The following PLPPR1 variants were observed in gnomAD, a reference collection of about 807,000 sequenced individuals.
The protein encoded by PLPPR1 is phospholipid phosphatase related 1.
PLPPR1 carries 10 observed loss-of-function variants against 33.1 expected under a neutral mutation model. The ratio of observed to expected loss-of-function variants is 0.30; its 90% CI spans 0.19 to 0.51. PLPPR1 has a LOEUF of 0.51. Among genes scored for constraint, PLPPR1 ranks in the 20% least tolerant of loss-of-function variants. The pLI is 0.97. For synonymous variants in PLPPR1, 151 were observed against 151.0 expected, an observed-to-expected ratio of 1.00 and a Z score of 0.00; for missense variants, 304 against 408.1, an observed-to-expected ratio of 0.74 and a Z score of 2.20.
At chr9:101,199,634 C>T (rs1826459186) in intron 2 of PLPPR1, among the ~76,000 whole-genome samples, 1 of 152,166 alleles carries the variant, frequency 6.6e-6, no homozygotes, top group African/African-American at 2.4e-5. Flanking sequence ...TCCATATACT[C>T]ATTATATTTT....
chr9:101,115,372 T>A (rs1173111200), intron 1 of PLPPR1, among the ~76,000 whole-genome samples: 1 of 152,204 alleles, frequency 6.6e-6, no homozygotes, highest in African/African-American at 2.4e-5. Flanking sequence ...TGATGACTGA[T>A]TTCAATATGC....
intron 1 of PLPPR1, among the ~76,000 whole-genome samples, chr9:101,148,304 C>A (rs184519267): frequency 6.6e-6 from 1 of 152,254 alleles, no homozygotes; most frequent in East Asian, 1.9e-4. Flanking sequence ...GACTTCAAAC[C>A]CTGCCCGGTC....
intron 1 of PLPPR1, among the ~76,000 whole-genome samples, chr9:101,042,054 T>A (rs1367646888): frequency 6.6e-6 from 1 of 152,088 alleles, no homozygotes; most frequent in Non-Finnish European, 1.5e-5. Context: ...GAAAATATAA[T>A]TTATAGAAGA....
chr9:101,177,607 A>C (rs1308179165), intron 1 of PLPPR1, among the ~76,000 whole-genome samples: 2 of 152,212 alleles, frequency 1.3e-5, no homozygotes, highest in Non-Finnish European at 2.9e-5. Flanking sequence ...TTGCTGCTCC[A>C]TATGGCCAAC....
In PLPPR1 at chr9:101,310,758, C is replaced by A. The variant is rs573060917; in HGVS notation, c.636+1297C>A. The stretch of plus-strand genomic sequence containing the variant: ...TTAAAACAACCAGGAGCAGATAGTG[C>A]CTTTGTGTCCCATTTACAGGATCAC... On this transcript the variant is annotated intron_variant, in intron 5 of 7. Coordinates refer to ENST00000374874, the MANE Select transcript of PLPPR1 (RefSeq NM_207299.2). 9.2e-5 allele frequency among the ~76,000 whole-genome samples: 14 copies of A among 152,260 alleles called. No individual in the cohort carries two copies. In the South Asian group the frequency reaches 2.5e-3, roughly 27 times the overall value.
intron 4 of PLPPR1, among the ~76,000 whole-genome samples, chr9:101,291,946 A>G (rs1253848103): frequency 3.9e-5 from 6 of 152,230 alleles, no homozygotes; most frequent in Non-Finnish European, 8.8e-5. Context: ...ATGGAGAATG[A>G]CTTTGACGAG....
At chr9:101,266,721 G>A (rs189888524) in intron 2 of PLPPR1, among the ~76,000 whole-genome samples, 60 of 152,284 alleles carry the variant, frequency 3.9e-4, no homozygotes, top group African/African-American at 1.4e-3. Context: ...GGCATGTAAT[G>A]CTTTCTTTGT....
chr9:101,046,435 C>CTTTTTTTTTTTTTT lies in PLPPR1; in HGVS notation c.-46+17342_-46+17355dup, dbSNP rs527884198. 2.1e-4 allele frequency among the ~76,000 whole-genome samples: 24 copies of CTTTTTTTTTTTTTT among 116,782 alleles called. No individual in the cohort carries two copies. In the East Asian group the frequency reaches 2.7e-3, roughly 13 times the overall value. 76.6% of individuals were successfully genotyped at this position (116,782 alleles called of 152,430 possible). A position where few individuals can be genotyped will look rare whatever the true frequency, so the allele number is the denominator to read the frequency against. On this transcript the variant is annotated intron_variant, in intron 1 of 7. Coordinates refer to ENST00000374874, the MANE Select transcript of PLPPR1 (RefSeq NM_207299.2). ...CCAATTTTTCTTTACCTCTTTTATT[C>CTTTTTTTTTTTTTT]TTTTTTTTTTTTTTTTTTTTTTGAG... is the stretch of plus-strand genomic sequence containing the variant.
intron 1 of PLPPR1, among the ~76,000 whole-genome samples, chr9:101,045,480 C>T (rs961906839): frequency 6.6e-6 from 1 of 152,166 alleles, no homozygotes; most frequent in Non-Finnish European, 1.5e-5. Flanking sequence ...CTCTGAGCTT[C>T]TGAGAGTTGG....
chr9:101,216,807 T>A (rs1281573365), intron 2 of PLPPR1, among the ~76,000 whole-genome samples: 1 of 152,182 alleles, frequency 6.6e-6, no homozygotes, highest in African/African-American at 2.4e-5. Context: ...ACTCTACTCA[T>A]CAAATGCCTG....
intron 1 of PLPPR1, among the ~76,000 whole-genome samples, chr9:101,152,329 T>A (rs1831599902): frequency 6.6e-6 from 1 of 152,212 alleles, no homozygotes; most frequent in Non-Finnish European, 1.5e-5. Flanking sequence ...TTGCAGAAAT[T>A]TTCTCCCATT....
intron 1 of PLPPR1, among the ~76,000 whole-genome samples, chr9:101,126,431 G>A (rs999169531): frequency 6.6e-5 from 10 of 152,148 alleles, no homozygotes; most frequent in African/African-American, 2.4e-4. Context: ...CAGGAAGTAG[G>A]GAGATGGGAA....
intron 2 of PLPPR1, among the ~76,000 whole-genome samples, chr9:101,220,808 G>A (rs1279246668): frequency 1.3e-5 from 2 of 152,190 alleles, no homozygotes; most frequent in African/African-American, 4.8e-5. Flanking sequence ...GCAGCTAGAA[G>A]GTTGAACATG....
intron 1 of PLPPR1, among the ~76,000 whole-genome samples, chr9:101,148,856 C>T (rs1282108488): frequency 6.6e-6 from 1 of 152,066 alleles, no homozygotes; most frequent in Non-Finnish European, 1.5e-5. Flanking sequence ...TGCCTTTATT[C>T]CCACAATTCC....
chr9:101,058,631 G>T (rs1196643959), intron 1 of PLPPR1, among the ~76,000 whole-genome samples: 2 of 152,120 alleles, frequency 1.3e-5, no homozygotes, highest in African/African-American at 4.8e-5. Context: ...ACTTCATAAT[G>T]ATACCCAGGA....
rs60620773 is a variant in PLPPR1 at position 101,239,060 on chromosome 9, A to AGTGTGTGT, written c.64-30799_64-30792dup. ...CTGAATAAATAGCTGAATTTCATTGAGTGTGTGTGTGTGTGTGTGTGTGTG... is the reference window on the plus strand; with the variant it reads ...CTGAATAAATAGCTGAATTTCATTGAGTGTGTGTGTGTGTGTGTGTGTGTGTGTGTGTG... On this transcript the variant is annotated intron_variant, in intron 2 of 7. Transcript: ENST00000374874. Among the ~76,000 whole-genome samples, 126 of 147,536 alleles carry AGTGTGTGT rather than the reference A, an allele frequency of 8.5e-4. 1 individual carries two copies. The highest frequency in any genetic ancestry group is 3.0e-3 in the African/African-American group (119 of 40,220).
At chr9:101,232,837 A>C (rs1827218775) in intron 2 of PLPPR1, among the ~76,000 whole-genome samples, 1 of 151,944 alleles carries the variant, frequency 6.6e-6, no homozygotes, top group African/African-American at 2.4e-5. Context: ...GGCACTCAAC[A>C]TTACGAGGGG....
intron 1 of PLPPR1, among the ~76,000 whole-genome samples, chr9:101,174,320 C>T (rs868820306): frequency 1.1e-4 from 16 of 152,220 alleles, no homozygotes; most frequent in Admixed American, 2.6e-4. Context: ...TAATTTTGAA[C>T]GGAATCATCA....
intron 1 of PLPPR1, among the ~76,000 whole-genome samples, chr9:101,101,248 C>T (rs918618175): frequency 6.6e-6 from 1 of 152,014 alleles, no homozygotes; most frequent in African/African-American, 2.4e-5. Context: ...GGTTAATGTG[C>T]CAGTGATGAC....
Sources: allele counts gnomAD v4.1 joint callset (sites outside exome capture counted in the v4.1 genomes callset), GRCh38; gene constraint gnomAD v4.1.1; transcripts MANE v1.5; gene names NCBI Gene and HGNC (gene_info 2026-07-23, HGNC 2026-07-21).